LRRC4C: variants seen among roughly 807,000 people sequenced by gnomAD.
The protein encoded by LRRC4C is leucine rich repeat containing 4C, also known as leucine-rich repeat-containing protein 4C.
In LRRC4C, 5 loss-of-function variants were observed where a neutral mutation model predicts 33.6. That is an observed-to-expected ratio of 0.15 (90% confidence interval 0.08 to 0.31). The LOEUF is 0.31. Ranked by LOEUF, LRRC4C falls within the 10% of genes least tolerant of loss-of-function variation. The pLI, the probability that LRRC4C is intolerant of heterozygous loss-of-function variation, is 1.00. For missense variants in LRRC4C, 560 were observed against 796.7 expected, an observed-to-expected ratio of 0.70 and a Z score of 3.58; for synonymous variants, 329 against 302.0, an observed-to-expected ratio of 1.09 and a Z score of -0.93.
intron 6 of LRRC4C, among the ~76,000 whole-genome samples, chr11:40,124,932 T>A (rs1186093114): frequency 6.6e-6 from 1 of 151,964 alleles, no homozygotes; most frequent in Non-Finnish European, 1.5e-5. Flanking sequence ...TATATACACC[T>A]ACTATGTACC....
At chr11:41,306,261 A>G (rs1184871162) in intron 1 of LRRC4C, among the ~76,000 whole-genome samples, 1 of 152,268 alleles carries the variant, frequency 6.6e-6, no homozygotes, top group East Asian at 1.9e-4. Context: ...CTTTACTATT[A>G]CCACTACTAG....
At chr11:40,364,829 G>C (rs371414249) in intron 3 of LRRC4C, among the ~76,000 whole-genome samples, 1 of 151,598 alleles carries the variant, frequency 6.6e-6, no homozygotes, top group African/African-American at 2.4e-5. Context: ...AGGAACAAAA[G>C]ATAAAAAAGA....
chr11:40,215,164 G>C (rs1339942908), intron 5 of LRRC4C, among the ~76,000 whole-genome samples: 1 of 152,046 alleles, frequency 6.6e-6, no homozygotes, highest in African/African-American at 2.4e-5. Flanking sequence ...TCCCAATTTT[G>C]AGTCTAATTT....
At chr11:40,300,130 G>A (rs1944699640) in intron 4 of LRRC4C, among the ~76,000 whole-genome samples, 1 of 152,014 alleles carries the variant, frequency 6.6e-6, no homozygotes, top group Non-Finnish European at 1.5e-5. Flanking sequence ...AGGTGCTACT[G>A]ACTTTTAAAT....
intron 1 of LRRC4C, among the ~76,000 whole-genome samples, chr11:40,946,317 TTTC>T (rs1183362313): frequency 1.3e-5 from 2 of 152,178 alleles, no homozygotes; most frequent in Non-Finnish European, 2.9e-5. Flanking sequence ...TGTACCACAT[TTTC>T]TTTATTCAAT....
intron 3 of LRRC4C, among the ~76,000 whole-genome samples, chr11:40,412,377 C>A (rs534733542): frequency 1.3e-5 from 2 of 152,068 alleles, no homozygotes; most frequent in South Asian, 4.1e-4. Context: ...AGTGAGTTTG[C>A]TTCTTTCCTG....
rs189822571 is a variant in LRRC4C at position 40,515,838 on chromosome 11, T to C, written c.-270+132304A>G. On this transcript the variant is annotated intron_variant, in intron 3 of 6. Transcript: ENST00000528697. Reference sequence around the variant, plus strand: ...ACTGTGGCCAATAAAGGGGCTTTAATATGTATGATATATAAAGAATGTACT... The same window carrying C: ...ACTGTGGCCAATAAAGGGGCTTTAACATGTATGATATATAAAGAATGTACT... Among the ~76,000 whole-genome samples, 183 of 152,226 alleles carry C rather than the reference T, an allele frequency of 1.2e-3. 1 individual carries two copies. Among genetic ancestry groups the C allele is most frequent in the African/African-American group, 4.0e-3 (167 of 41,568 alleles).
intron 3 of LRRC4C, among the ~76,000 whole-genome samples, chr11:40,328,204 A>C (rs1946187682): frequency 2.0e-5 from 3 of 152,180 alleles, no homozygotes; most frequent in Non-Finnish European, 4.4e-5. Flanking sequence ...ATTCTATGCC[A>C]CAGTATTTTT....
chr11:41,079,094 A>G (rs1404972207), intron 1 of LRRC4C, among the ~76,000 whole-genome samples: 1 of 152,116 alleles, frequency 6.6e-6, no homozygotes, highest in Non-Finnish European at 1.5e-5. Context: ...AAAACCTAAC[A>G]CCTTTACGAT....
chr11:40,313,231 C>CT (rs1341467307), intron 4 of LRRC4C, among the ~76,000 whole-genome samples: 2 of 152,084 alleles, frequency 1.3e-5, no homozygotes, highest in Non-Finnish European at 1.5e-5. Context: ...TTGCTGGCTG[C>CT]TACAGCCCTT....
rs554650810 is a variant in LRRC4C at position 40,699,817 on chromosome 11, C to A, written c.-406-51539G>T. Among the ~76,000 whole-genome samples the A allele has an allele frequency of 7.2e-5, 11 of 152,248 alleles. No individual in the cohort carries two copies. The South Asian group carries it at 1.7e-3, about 23-fold the overall frequency. The stretch of plus-strand genomic sequence containing the variant: ...ATTTTAGTCTGTAGGATATTCACAA[C>A]ACACACATCACTCTTATAAAGATAT... On this transcript the variant is annotated intron_variant, in intron 2 of 6. Transcript: ENST00000528697.
At chr11:40,162,313 T>A (rs541713755) in intron 5 of LRRC4C, among the ~76,000 whole-genome samples, 5 of 152,304 alleles carry the variant, frequency 3.3e-5, no homozygotes, top group Admixed American at 1.3e-4. Context: ...CATTTTTCTT[T>A]GGTGCAAAGG....
intron 3 of LRRC4C, among the ~76,000 whole-genome samples, chr11:40,498,280 G>A (rs942409224): frequency 2.6e-5 from 4 of 152,160 alleles, no homozygotes; most frequent in East Asian, 1.9e-4. Context: ...ACGCTACAAC[G>A]GAATTAGACT....
rs146216878 is a variant in LRRC4C at position 40,711,729 on chromosome 11, A to G, written c.-406-63451T>C. Among the ~76,000 whole-genome samples, 503 of 151,990 alleles carry G rather than the reference A, an allele frequency of 3.3e-3. 2 individuals carry two copies. Among genetic ancestry groups the G allele is most frequent in the African/African-American group, 0.012 (481 of 41,508 alleles). ...TTTGTAGATTCAGAGTTAGAAAAAA[A>G]AAAAAAAACTTTGTACCATAGATAG... On this transcript the variant is annotated intron_variant, in intron 2 of 6. Coordinates refer to ENST00000528697, the MANE Select transcript of LRRC4C (RefSeq NM_001258419.2).
chr11:40,769,147 A>G (rs1283752989), intron 2 of LRRC4C, among the ~76,000 whole-genome samples: 3 of 150,966 alleles, frequency 2.0e-5, no homozygotes, highest in Admixed American at 6.7e-5. Context: ...AGGATACAAA[A>G]TCAACATACA....
At chr11:40,881,678 C>T (rs1955185336) in intron 2 of LRRC4C, among the ~76,000 whole-genome samples, 1 of 148,416 alleles carries the variant, frequency 6.7e-6, no homozygotes, top group African/African-American at 2.5e-5. Context: ...TTTTACTGGA[C>T]AGAAATATTG....
At chr11:40,928,929 C>A (rs1957500454) in intron 2 of LRRC4C, among the ~76,000 whole-genome samples, 1 of 152,270 alleles carries the variant, frequency 6.6e-6, no homozygotes, top group Admixed American at 6.5e-5. Context: ...ATTTAAAACA[C>A]TAAAATGCTG....
intron 2 of LRRC4C, among the ~76,000 whole-genome samples, chr11:40,794,693 T>G (rs1358753124): frequency 6.6e-6 from 1 of 152,104 alleles, no homozygotes; most frequent in Admixed American, 6.5e-5. Flanking sequence ...TGTCACCAAT[T>G]CCTATGAGTA....
At chr11:40,492,088 G>A (rs1225567649) in intron 3 of LRRC4C, among the ~76,000 whole-genome samples, 2 of 152,288 alleles carry the variant, frequency 1.3e-5, no homozygotes, top group East Asian at 3.9e-4. Context: ...GCACTAGAGA[G>A]TTCAGATACA....
Sources: gnomAD v4.1 joint callset for allele counts (sites outside exome capture counted in the v4.1 genomes callset) on GRCh38, gnomAD v4.1.1 for gene constraint, MANE v1.5 for transcripts, NCBI Gene and HGNC (gene_info 2026-07-23, HGNC 2026-07-21) for gene names.